Variants in SCN2A observed in about 807,000 individuals in gnomAD.
SCN2A encodes sodium voltage-gated channel alpha subunit 2, also known as sodium channel protein type 2 subunit alpha.
Under a neutral mutation model 188.7 loss-of-function variants are expected in SCN2A, and 20 were observed. The observed-to-expected ratio is 0.11, with a 90% CI of 0.07 to 0.15. The LOEUF (loss-of-function observed/expected upper bound fraction) is 0.15. Among genes scored for constraint, SCN2A ranks in the 10% least tolerant of loss-of-function variants. SCN2A has a pLI of 1.00. For synonymous variants in SCN2A, 804 were observed against 833.1 expected (o/e 0.97, Z 0.60); for missense variants, 1,278 against 2,445.0 (o/e 0.52, Z 10.07).
At position 165,296,226 on chromosome 2, in the gene SCN2A, T is replaced by G. The variant is rs1027283922; in HGVS notation, c.267+136T>G. The G allele has an allele frequency of 6.0e-6, 5 of 826,472 alleles. No individual in the cohort carries two copies. In the African/African-American group the frequency reaches 8.4e-5, roughly 14 times the overall value. 51.2% of individuals were successfully genotyped at this position (826,472 alleles called of 1,614,324 possible). On this transcript the variant is annotated intron_variant, in intron 2 of 26. Transcript: ENST00000375437. The stretch of plus-strand genomic sequence containing the variant: ...CTAAGATGCTGGATGGGCCTGACCG[T>G]GTAATGGACCAATGATCCTAGAAGT...
Position 165,323,241 on chromosome 2 carries a change from A to T in SCN2A, c.1757A>T (p.Asp586Val). ...TTCAGCTTCAGAGGTCGAGCAAAGG[A>T]CATTGGCTCTGAGAATGACTTTGCT... ...SLFSFRGRAK[D>V]IGSENDFADD... Residue 586 changes from aspartate (D) to valine (V), a missense_variant, in exon 12 of 27, where the codon GAC becomes GTC. Asp to Val is a radical substitution (Grantham distance 152, BLOSUM62 -3). Coordinates refer to ENST00000375437, the MANE Select transcript of SCN2A (RefSeq NM_001040142.2). The T allele has an allele frequency of 6.2e-7, 1 of 1,614,224 alleles. No individual in the cohort carries two copies. Among genetic ancestry groups the T allele is most frequent in the Non-Finnish European group, 8.5e-7 (1 of 1,180,048 alleles).
intron 13 of SCN2A, 78 bp from the exon 14 acceptor site, chr2:165,331,252 A>G (rs1429428970): frequency 1.7e-6 from 2 of 1,145,010 alleles, no homozygotes. Context: ...GATTTTTTAA[A>G]TTCCTTTTAA....
intron 1 of SCN2A, among the ~76,000 whole-genome samples, chr2:165,255,109 T>G (rs552215711): frequency 2.0e-5 from 3 of 152,086 alleles, no homozygotes; most frequent in South Asian, 2.1e-4. Context: ...AATTCAAAAT[T>G]TATTATTTTA....
At chr2:165,364,956 C>A (rs1700645672) in intron 17 of SCN2A, among the ~76,000 whole-genome samples, 187 bp from the exon 18 acceptor site, 1 of 151,854 alleles carries the variant, frequency 6.6e-6, no homozygotes, top group Non-Finnish European at 1.5e-5. Context: ...AAAAAAAATA[C>A]TATGGTGTTG....
In SCN2A at chr2:165,315,572, C is replaced by T. The variant is rs756904745; in HGVS notation, c.1485C>T (p.Ser495=). 6.2e-7 allele frequency: 1 copy of T among 1,613,386 alleles called. No individual in the cohort carries two copies. The highest frequency in any genetic ancestry group is 8.5e-7 in the Non-Finnish European group (1 of 1,179,840). The change falls in exon 11 of 27, where the codon TCC becomes TCT. Residue 495 remains serine (S), a synonymous_variant. Coordinates refer to ENST00000375437, the MANE Select transcript of SCN2A (RefSeq NM_001040142.2). ...CTTCAGTAGCATCTAAGTTGAGCTC[C>T]AAAAGTGAAAAAGAGCTGAAAAACA... ...ESSSVASKLS[S]KSEKELKNRR...
chr2:165,374,853 A>C lies in SCN2A; in HGVS notation c.4141A>C (p.Asn1381His). ...TGEMFDVSVV[N>H]NYSECKALIE... is the part of the protein sequence containing the mutation. ...AGAGATGTTTGATGTAAGCGTGGTC[A>C]ACAACTACAGTGAGTGCAAAGCTCT... The change falls in exon 22 of 27, where the codon AAC becomes CAC. Residue 1381 changes from asparagine to histidine, a missense_variant. By Grantham distance (68) the Asn-to-His change is moderately conservative. Transcript: ENST00000375437. The C allele has an allele frequency of 6.2e-7, 1 of 1,613,666 alleles. No homozygotes were observed. Among genetic ancestry groups the C allele is most frequent in the South Asian group, 1.1e-5 (1 of 91,072 alleles).
At chr2:165,312,122 A>G (rs1007900162) in intron 8 of SCN2A, 34 bp downstream of exon 8, 18 of 1,543,644 alleles carry the variant, frequency 1.2e-5, no homozygotes, top group Admixed American at 1.7e-5. Flanking sequence ...TTCAGTCCAC[A>G]CTGCTCCATC....
In SCN2A at chr2:165,308,662, T is replaced by C. The variant is rs765412786; in HGVS notation, c.477-4T>C. On this transcript the variant is annotated splice_region_variant and splice_polypyrimidine_tract_variant and intron_variant, in intron 4 of 26. Transcript: ENST00000375437. ...TTAATGTGAGCTTGGCTATTTTCTC[T>C]CAGGTATACCTTTACAGGAATTTAT... The C allele has an allele frequency of 6.2e-7, 1 of 1,611,182 alleles. No individual in the cohort carries two copies. Among genetic ancestry groups the C allele is most frequent in the Non-Finnish European group, 8.5e-7 (1 of 1,177,862 alleles).
At chr2:165,327,809 A>C (rs1386780647) in intron 13 of SCN2A, 1 of 152,202 alleles carries the variant, frequency 6.6e-6, no homozygotes, top group Admixed American at 6.5e-5. Flanking sequence ...TTGTTAATTC[A>C]CATGTTTTTG....
At chr2:165,368,842 C>T (rs1223872252) in intron 19 of SCN2A, among the ~76,000 whole-genome samples, 1 of 152,052 alleles carries the variant, frequency 6.6e-6, no homozygotes, top group Non-Finnish European at 1.5e-5. Context: ...GCCTCTAAGG[C>T]GAATTCTGAT....
At chr2:165,277,389 A>C (rs1695395285) in intron 1 of SCN2A, among the ~76,000 whole-genome samples, 1 of 152,240 alleles carries the variant, frequency 6.6e-6, no homozygotes, top group Non-Finnish European at 1.5e-5. Context: ...CCAAACCAAA[A>C]GTGGTTCTGA....
chr2:165,358,584 A>G (rs1038793224), intron 17 of SCN2A, among the ~76,000 whole-genome samples: 3 of 152,070 alleles, frequency 2.0e-5, no homozygotes, highest in African/African-American at 7.2e-5. Context: ...TGTCTTTTGT[A>G]TACCAAATAA....
intron 1 of SCN2A, among the ~76,000 whole-genome samples, chr2:165,265,650 G>A (rs1574466591): frequency 6.7e-6 from 1 of 149,532 alleles, no homozygotes; most frequent in Admixed American, 6.7e-5. Flanking sequence ...CTATAGTTAG[G>A]CTTTCCTTCA....
chr2:165,313,374 T>A (rs530082360), intron 8 of SCN2A, among the ~76,000 whole-genome samples: 1 of 152,148 alleles, frequency 6.6e-6, no homozygotes, highest in Admixed American at 6.5e-5. Flanking sequence ...TGCTTTTATA[T>A]GGAGACATAA....
At chr2:165,351,345 AG>A (rs1462015640) in intron 16 of SCN2A, among the ~76,000 whole-genome samples, 4 of 152,208 alleles carry the variant, frequency 2.6e-5, no homozygotes, top group African/African-American at 4.8e-5. Context: ...CATATGTTCC[AG>A]GGATATTTAT....
In SCN2A at chr2:165,323,321, G is replaced by A. The variant is rs769069833; in HGVS notation, c.1837G>A (p.Val613Met). Residue 613 changes from valine to methionine, a missense_variant, in exon 12 of 27, where the codon GTG (valine) becomes ATG (methionine). Physicochemically the swap from Val to Met is conservative, Grantham distance 21. Coordinates refer to ENST00000375437, the MANE Select transcript of SCN2A (RefSeq NM_001040142.2). ...DNDSRRDSLF[V>M]PHRHGERRHS... ...TGACAGCCGAAGAGACTCTCTGTTCGTGCCGCACAGACATGGAGAACGGCG... is the reference window on the plus strand; with the variant it reads ...TGACAGCCGAAGAGACTCTCTGTTCATGCCGCACAGACATGGAGAACGGCG... 1.1e-5 allele frequency: 17 copies of A among 1,614,040 alleles called. No individual in the cohort carries two copies. Among genetic ancestry groups the A allele is most frequent in the Admixed American group, 5.0e-5 (3 of 60,012 alleles).
At chr2:165,258,886 G>A (rs1473334468) in intron 1 of SCN2A, among the ~76,000 whole-genome samples, 1 of 152,202 alleles carries the variant, frequency 6.6e-6, no homozygotes, top group East Asian at 1.9e-4. Context: ...TAAACAGTGA[G>A]AACTCATGGA....
intron 1 of SCN2A, among the ~76,000 whole-genome samples, chr2:165,262,469 G>A (rs900307497): frequency 1.1e-4 from 17 of 152,062 alleles, no homozygotes; most frequent in African/African-American, 4.1e-4. Flanking sequence ...AACTTACGAT[G>A]TTTGGTTTTC....
intron 1 of SCN2A, among the ~76,000 whole-genome samples, chr2:165,262,600 TTATA>T (rs1694648333): frequency 6.6e-6 from 1 of 151,662 alleles, no homozygotes; most frequent in Non-Finnish European, 1.5e-5. Flanking sequence ...ATATGTATAA[TTATA>T]TATGTATATA....
Sources: gnomAD v4.1 joint callset for allele counts (sites outside exome capture counted in the v4.1 genomes callset) on GRCh38, gnomAD v4.1.1 for gene constraint, MANE v1.5 for transcripts, NCBI Gene and HGNC (gene_info 2026-07-23, HGNC 2026-07-21) for gene names.